Variants in PTPN13 observed in about 807,000 individuals in gnomAD.
PTPN13 encodes the protein protein tyrosine phosphatase non-receptor type 13.
A neutral mutation model predicts 284.0 loss-of-function variants in PTPN13; 191 were observed. The observed-to-expected ratio is 0.67, with a 90% CI of 0.60 to 0.76. The LOEUF (loss-of-function observed/expected upper bound fraction) is 0.76, where lower values mean the gene tolerates loss of function less well. PTPN13 is among the 30% of genes least tolerant of loss of function. The pLI, the probability that PTPN13 is intolerant of heterozygous loss-of-function variation, is 0.00. For synonymous variants in PTPN13, 986 were observed against 1,022.3 expected (o/e 0.96, Z 0.68); for missense variants, 2,797 against 2,939.9 (o/e 0.95, Z 1.12).
chr4:86,617,558 A>G (rs1487051861), intron 1 of PTPN13, among the ~76,000 whole-genome samples: 1 of 151,992 alleles, frequency 6.6e-6, no homozygotes, highest in Admixed American at 6.6e-5. Flanking sequence ...TATATCTCCT[A>G]ATGCTATCCC....
In PTPN13 at chr4:86,775,470, C is replaced by A. The variant is rs148059206; in HGVS notation, c.5709C>A (p.Ser1903Arg). The A allele has an allele frequency of 6.2e-7, 1 of 1,608,734 alleles. No homozygotes were observed. Among genetic ancestry groups the A allele is most frequent in the South Asian group, 1.1e-5 (1 of 90,878 alleles). Residue 1903 changes from serine to arginine, a missense_variant, in exon 35 of 48, where the codon AGC (serine) becomes AGA (arginine). Transcript: ENST00000411767. ...TTTCCTTATGTGGAGGTCATGACAG[C>A]CTTTATCAAGTGGTATATATTAGTG... is the stretch of plus-strand genomic sequence containing the variant. ...LGFSLCGGHDSLYQVVYISDI... is the reference protein window; with the variant it reads ...LGFSLCGGHDRLYQVVYISDI...
chr4:86,694,579 CAAAAA>C (rs1000226646), intron 6 of PTPN13, among the ~76,000 whole-genome samples: 23 of 32,328 alleles, frequency 7.1e-4, no homozygotes, highest in African/African-American at 2.4e-3. Flanking sequence ...ACTTCTGTCT[CAAAAA>C]AAAAAAAAAA....
At chr4:86,682,259 C>CCT (rs929791101) in intron 3 of PTPN13, among the ~76,000 whole-genome samples, 28 of 152,212 alleles carry the variant, frequency 1.8e-4, no homozygotes, top group Admixed American at 2.0e-4. Flanking sequence ...AAGGCACCTA[C>CCT]CTCTATAGGA....
chr4:86,728,113 A>G lies in PTPN13; in HGVS notation c.1609-4287A>G, dbSNP rs181003438. 3.1e-4 allele frequency among the ~76,000 whole-genome samples: 47 copies of G among 149,734 alleles called. 2 individuals carry two copies. Among genetic ancestry groups the G allele is most frequent in the Middle Eastern group, 6.9e-3 (2 of 290 alleles). On this transcript the variant is annotated intron_variant, in intron 10 of 47. Transcript: ENST00000411767. ...GGAGAAGGTTGTTCAGTTTCCATGCAGTTGTGCAGTTTTGAGTAAGTTTCT... is the reference window on the plus strand; with the variant it reads ...GGAGAAGGTTGTTCAGTTTCCATGCGGTTGTGCAGTTTTGAGTAAGTTTCT...
intron 3 of PTPN13, among the ~76,000 whole-genome samples, chr4:86,675,082 G>A (rs1728128810): frequency 6.6e-6 from 1 of 152,112 alleles, no homozygotes. Context: ...GCCTTGTGAT[G>A]TCTAGATCCC....
intron 40 of PTPN13, among the ~76,000 whole-genome samples, chr4:86,792,111 A>C (rs563424947): frequency 6.6e-6 from 1 of 152,322 alleles, no homozygotes; most frequent in African/African-American, 2.4e-5. Context: ...AAACCTTGAA[A>C]AAAAGGTTAG....
At chr4:86,742,116 G>T (rs951907002) in intron 16 of PTPN13, among the ~76,000 whole-genome samples, 1 of 152,140 alleles carries the variant, frequency 6.6e-6, no homozygotes, top group African/African-American at 2.4e-5. Context: ...TTCTAGGGTT[G>T]TAACTTCTCA....
At chr4:86,709,060 CACACACACAT>C (rs976727445) in intron 7 of PTPN13, among the ~76,000 whole-genome samples, 3 of 151,354 alleles carry the variant, frequency 2.0e-5, no homozygotes, top group African/African-American at 4.9e-5. Flanking sequence ...GAAATACATA[CACACACACAT>C]ACACACACAC....
intron 40 of PTPN13, among the ~76,000 whole-genome samples, chr4:86,796,219 T>G (rs1743325362): frequency 6.6e-6 from 1 of 152,198 alleles, no homozygotes; most frequent in African/African-American, 2.4e-5. Flanking sequence ...CTTGAAGCTT[T>G]TTTTAGATTT....
At chr4:86,679,082 A>G (rs1440752262) in intron 3 of PTPN13, among the ~76,000 whole-genome samples, 3 of 152,124 alleles carry the variant, frequency 2.0e-5, no homozygotes, top group Non-Finnish European at 4.4e-5. Context: ...AGCCGTCTTT[A>G]TTTCAAGCTC....
At chr4:86,606,653 C>T (rs1007486568) in intron 1 of PTPN13, among the ~76,000 whole-genome samples, 2 of 151,708 alleles carry the variant, frequency 1.3e-5, no homozygotes, top group South Asian at 2.1e-4. Context: ...TTTGGCGTAC[C>T]GTCAAGTGCA....
At chr4:86,647,490 AGTTT>A (rs1402357113) in intron 2 of PTPN13, among the ~76,000 whole-genome samples, 1 of 151,660 alleles carries the variant, frequency 6.6e-6, no homozygotes, top group African/African-American at 2.4e-5. Context: ...TATTTAAATT[AGTTT>A]ATTGAATTTA....
chr4:86,624,700 C>A (rs896855933), intron 1 of PTPN13, among the ~76,000 whole-genome samples: 3 of 152,060 alleles, frequency 2.0e-5, no homozygotes, highest in Non-Finnish European at 4.4e-5. Context: ...CCTATAGTTG[C>A]AGCTACTTGG....
At position 86,775,041 on chromosome 4, in the gene PTPN13, G is replaced by A. The variant is rs1740466918; in HGVS notation, c.5509-130G>A. Reference sequence around the variant, plus strand: ...TAAAGGGGATTACCAATAAATTAGAGATCACTGTTGTGAATCTCTTACTAG... The same window carrying A: ...TAAAGGGGATTACCAATAAATTAGAAATCACTGTTGTGAATCTCTTACTAG... On this transcript the variant is annotated intron_variant, in intron 33 of 47. Coordinates refer to ENST00000411767, the MANE Select transcript of PTPN13 (RefSeq NM_080683.3). 8.4e-6 allele frequency: 5 copies of A among 593,320 alleles called. No homozygotes were observed. In the East Asian group the frequency reaches 1.2e-4, roughly 14 times the overall value. The allele number at this position is 593,320 out of a possible 1,614,324, so 36.8% of individuals were successfully genotyped here.
Position 86,780,366 on chromosome 4 carries a change from C to G in PTPN13, c.5892-36C>G, listed in dbSNP as rs935458611. On this transcript the variant is annotated intron_variant, in intron 35 of 47. Transcript: ENST00000411767. The stretch of plus-strand genomic sequence containing the variant: ...CCTGGGAGGTCAAGGCTACAATGTC[C>G]AAGACAATTTACAGTTGTCTTTTTT... 2.6e-6 allele frequency: 4 copies of G among 1,561,962 alleles called. No homozygotes were observed. The East Asian group carries it at 9.2e-5, about 36-fold the overall frequency.
chr4:86,787,541 G>A (rs929947166), intron 40 of PTPN13, among the ~76,000 whole-genome samples: 8 of 150,392 alleles, frequency 5.3e-5, no homozygotes, highest in Non-Finnish European at 2.9e-5. Flanking sequence ...GCGGTGAGCC[G>A]AAATCACGCC....
Position 86,796,909 on chromosome 4 carries a change from A to G in PTPN13, c.6381A>G (p.Glu2127=). The G allele has an allele frequency of 6.7e-7, 1 of 1,488,810 alleles. No homozygotes were observed. The highest frequency in any genetic ancestry group is 9.3e-7 in the Non-Finnish European group (1 of 1,080,132). 92.2% of individuals were successfully genotyped at this position (1,488,810 alleles called of 1,614,324 possible). The change falls in exon 41 of 48, where the codon GAA becomes GAG. Residue 2127 remains glutamate, a synonymous_variant. Coordinates refer to ENST00000411767, the MANE Select transcript of PTPN13 (RefSeq NM_080683.3). ...TKMNGCEEYC[E]EKVKSESLIQ... ...TGAATGGCTGTGAAGAATATTGTGA[A>G]GAAAAAGTAAAAAGTGAAAGGTGAG...
intron 36 of PTPN13, among the ~76,000 whole-genome samples, chr4:86,781,446 G>A (rs2149307394): frequency 6.6e-6 from 1 of 151,924 alleles, no homozygotes; most frequent in Non-Finnish European, 1.5e-5. Context: ...TTAACATTTG[G>A]TTTAAAAATA....
At chr4:86,764,788 C>T (rs1357622521) in intron 25 of PTPN13, 64 bp downstream of exon 25, 3 of 1,514,654 alleles carry the variant, frequency 2.0e-6, no homozygotes, top group Non-Finnish European at 2.6e-6. Context: ...TATTGTATGT[C>T]AACTTTTTAA....
Sources: allele counts gnomAD v4.1 joint callset (sites outside exome capture counted in the v4.1 genomes callset), GRCh38; gene constraint gnomAD v4.1.1; transcripts MANE v1.5; gene names NCBI Gene and HGNC (gene_info 2026-07-23, HGNC 2026-07-21).